NOX4: variants seen among roughly 807,000 people sequenced by gnomAD.
NOX4 encodes kidney oxidase-1.
In NOX4, 69 loss-of-function variants were observed where a neutral mutation model predicts 87.6. That is an observed-to-expected ratio of 0.79 (90% CI 0.65 to 0.96). The LOEUF (loss-of-function observed/expected upper bound fraction) is 0.96, where lower values mean the gene tolerates loss of function less well. Among genes scored for constraint, NOX4 ranks in the 40% least tolerant of loss-of-function variants. The probability of loss-of-function intolerance (pLI) is 0.00; values close to 1 mark genes in which losing one functional copy is unlikely to be tolerated. For missense variants in NOX4, 680 were observed against 681.5 expected (o/e 1.00, Z 0.02); for synonymous variants, 275 against 238.2 (o/e 1.15, Z -1.42).
chr11:89,533,093 A>G, the NOX4 span, among the ~76,000 whole-genome samples: 1 of 152,308 alleles, frequency 6.6e-6, no homozygotes, highest in East Asian at 1.9e-4. Flanking sequence ...AAACAGAGAT[A>G]ATACTATGTG....
chr11:89,447,939 C>T (rs1008645517), intron 4 of NOX4, among the ~76,000 whole-genome samples: 2 of 152,060 alleles, frequency 1.3e-5, no homozygotes, highest in Admixed American at 6.6e-5. Flanking sequence ...TTACCCATTT[C>T]AACAATGCTT....
At chr11:89,448,988 T>C (rs970023329) in intron 4 of NOX4, among the ~76,000 whole-genome samples, 1 of 152,180 alleles carries the variant, frequency 6.6e-6, no homozygotes, top group Non-Finnish European at 1.5e-5. Context: ...CTTACTGGAA[T>C]GAAATTACTT....
At chr11:89,546,482 T>C in the NOX4 span, among the ~76,000 whole-genome samples, 1 of 152,204 alleles carries the variant, frequency 6.6e-6, no homozygotes, top group Non-Finnish European at 1.5e-5. Context: ...AGGAGAGAGA[T>C]AGAGGCTTGG....
intron 2 of NOX4, 96 bp downstream of exon 2, chr11:89,490,362 G>C (rs1946800971): frequency 1.2e-6 from 1 of 817,824 alleles, no homozygotes; most frequent in South Asian, 1.5e-5. Flanking sequence ...AGTGAAGAGT[G>C]CACATTTCTT....
At chr11:89,364,279 T>C (rs1938762222) in intron 12 of NOX4, among the ~76,000 whole-genome samples, 1 of 152,164 alleles carries the variant, frequency 6.6e-6, no homozygotes, top group Non-Finnish European at 1.5e-5. Flanking sequence ...TTTGTGTGTA[T>C]ATATATGTTT....
At chr11:89,349,620 CA>C (rs1946371758) in intron 13 of NOX4, among the ~76,000 whole-genome samples, 1 of 152,012 alleles carries the variant, frequency 6.6e-6, no homozygotes, top group Non-Finnish European at 1.5e-5. Flanking sequence ...CAAACCAAGT[CA>C]AAAAAGAACA....
At chr11:89,432,917 A>C in intron 6 of NOX4, 61 bp from the exon 7 acceptor site, 1 of 1,127,590 alleles carries the variant, frequency 8.9e-7, no homozygotes, top group East Asian at 2.5e-5. Context: ...AATACAAAAA[A>C]TGATTATATT....
the NOX4 span, among the ~76,000 whole-genome samples, chr11:89,511,937 C>T: frequency 6.6e-6 from 1 of 152,060 alleles, no homozygotes. Flanking sequence ...ACACTTCTCA[C>T]TTTGACCATC....
intron 7 of NOX4, among the ~76,000 whole-genome samples, chr11:89,424,236 T>C (rs866307356): frequency 3.6e-4 from 54 of 151,966 alleles, no homozygotes; most frequent in Middle Eastern, 3.4e-3. Context: ...TATTCAATTT[T>C]TCAAACTAAT....
chr11:89,352,355 G>C (rs1946497161), intron 13 of NOX4, among the ~76,000 whole-genome samples: 1 of 152,132 alleles, frequency 6.6e-6, no homozygotes, highest in African/African-American at 2.4e-5. Context: ...GTTGTTTGCA[G>C]GCCTGCTAAC....
intron 7 of NOX4, among the ~76,000 whole-genome samples, chr11:89,425,186 A>G (rs968862520): frequency 2.6e-5 from 4 of 152,054 alleles, no homozygotes; most frequent in Non-Finnish European, 4.4e-5. Context: ...TGATTCCTCT[A>G]TCTAAATAAA....
At chr11:89,335,601 G>C (rs1590949227) in intron 17 of NOX4, among the ~76,000 whole-genome samples, 1 of 151,662 alleles carries the variant, frequency 6.6e-6, no homozygotes, top group Non-Finnish European at 1.5e-5. Context: ...TTTATAATCA[G>C]ATAGGAGAGT....
In NOX4 at chr11:89,325,622, T is replaced by G. The variant is rs1945190521; in HGVS notation, c.*1134A>C. The G allele has an allele frequency of 6.6e-6, 1 of 152,094 alleles. No individual in the cohort carries two copies. The highest frequency in any genetic ancestry group is 2.4e-5 in the African/African-American group (1 of 41,408). 9.4% of individuals were successfully genotyped at this position (152,094 alleles called of 1,614,324 possible). A position where few individuals can be genotyped will look rare whatever the true frequency, so the allele number is the denominator to read the frequency against. On this transcript the variant is annotated 3_prime_UTR_variant, in exon 18 of 18. Transcript: ENST00000263317. ...TTGAATAAGAATATCATATTTCCTC[T>G]TACTTAAAAGGTAAAATACAGGTTT...
chr11:89,326,943 C>T lies in NOX4; in HGVS notation c.1617-67G>A, dbSNP rs1945244458. On this transcript the variant is annotated intron_variant, in intron 17 of 17. Transcript: ENST00000263317. ...TAGGCAGAACATGACAAGAAGTATGCTTTATGAGCATGGTTTAAAGTATTA... is the reference window on the plus strand; with the variant it reads ...TAGGCAGAACATGACAAGAAGTATGTTTTATGAGCATGGTTTAAAGTATTA... 1.1e-5 allele frequency: 16 copies of T among 1,481,920 alleles called. No individual in the cohort carries two copies. In the South Asian group the frequency reaches 1.8e-4, roughly 16 times the overall value. The allele number at this position is 1,481,920 out of a possible 1,614,324, so 91.8% of individuals were successfully genotyped here. A position where few individuals can be genotyped will look rare whatever the true frequency, so the allele number is the denominator to read the frequency against.
chr11:89,442,631 T>G (rs1452372618), intron 5 of NOX4, among the ~76,000 whole-genome samples: 1 of 152,004 alleles, frequency 6.6e-6, no homozygotes, highest in African/African-American at 2.4e-5. Flanking sequence ...ACTCAAAATA[T>G]CAGAAAAAAA....
chr11:89,427,094 T>G (rs111505823), intron 7 of NOX4, among the ~76,000 whole-genome samples: 2,198 of 152,306 alleles, frequency 0.014, 54 homozygotes, highest in African/African-American at 0.05. Context: ...CCTGCACTGC[T>G]GATACCCAGG....
chr11:89,513,513 A>T, the NOX4 span, among the ~76,000 whole-genome samples: 1 of 152,142 alleles, frequency 6.6e-6, no homozygotes, highest in East Asian at 1.9e-4. Flanking sequence ...TTATAATATA[A>T]TTTTTCAAAC....
At chr11:89,395,579 A>T (rs1395371299) in intron 11 of NOX4, among the ~76,000 whole-genome samples, 1 of 152,108 alleles carries the variant, frequency 6.6e-6, no homozygotes, top group Non-Finnish European at 1.5e-5. Context: ...GTCCTTGCCC[A>T]TGCCTATGTC....
the NOX4 span, among the ~76,000 whole-genome samples, chr11:89,538,893 G>A: frequency 2.0e-5 from 3 of 151,954 alleles, no homozygotes; most frequent in Non-Finnish European, 4.4e-5. Flanking sequence ...GGTGTTATGA[G>A]GTTGGACCTC....
Sources: allele counts gnomAD v4.1 joint callset (sites outside exome capture counted in the v4.1 genomes callset), GRCh38; gene constraint gnomAD v4.1.1; transcripts MANE v1.5; gene names NCBI Gene and HGNC (gene_info 2026-07-23, HGNC 2026-07-21).